Variants in MYO1B observed in about 807,000 individuals in gnomAD.
MYO1B encodes unconventional myosin-Ib.
A neutral mutation model predicts 159.7 loss-of-function variants in MYO1B; 72 were observed. The ratio of observed to expected loss-of-function variants is 0.45; its 90% CI spans 0.37 to 0.55. MYO1B has a LOEUF of 0.55. Among genes scored for constraint, MYO1B ranks in the 20% least tolerant of loss-of-function variants. MYO1B has a pLI of 0.00. For synonymous variants in MYO1B, 468 were observed against 473.8 expected, an observed-to-expected ratio of 0.99 and a Z score of 0.16; for missense variants, 1,062 against 1,364.8, an observed-to-expected ratio of 0.78 and a Z score of 3.50.
At chr2:191,396,604 C>A (rs1696088945) in intron 21 of MYO1B, 107 bp downstream of exon 21, 1 of 1,056,740 alleles carries the variant, frequency 9.5e-7, no homozygotes, top group Non-Finnish European at 1.5e-6. Context: ...CTGTCTCCTG[C>A]CTCGCCTGTA....
intron 5 of MYO1B, among the ~76,000 whole-genome samples, chr2:191,342,117 G>A (rs1692261224): frequency 1.3e-5 from 2 of 152,204 alleles, no homozygotes; most frequent in Non-Finnish European, 2.9e-5. Context: ...CTAGAGGCTA[G>A]AAGTTCAAGA....
At chr2:191,260,913 T>C (rs1238430432) in intron 1 of MYO1B, among the ~76,000 whole-genome samples, 2 of 152,330 alleles carry the variant, frequency 1.3e-5, no homozygotes, top group African/African-American at 4.8e-5. Context: ...TAGTTGGATA[T>C]ACTTTTGAAA....
chr2:191,357,543 T>G (rs1693380922), intron 7 of MYO1B, among the ~76,000 whole-genome samples: 1 of 152,212 alleles, frequency 6.6e-6, no homozygotes, highest in African/African-American at 2.4e-5. Context: ...GTAGCTGCAT[T>G]AGAATATCTG....
At chr2:191,393,709 G>A (rs1695903546) in intron 20 of MYO1B, among the ~76,000 whole-genome samples, 1 of 152,156 alleles carries the variant, frequency 6.6e-6, no homozygotes, top group African/African-American at 2.4e-5. Context: ...TTTGGTTAAA[G>A]GATTGCATTC....
chr2:191,422,694 G>A (rs1317632838), intron 30 of MYO1B, among the ~76,000 whole-genome samples: 2 of 152,126 alleles, frequency 1.3e-5, no homozygotes, highest in African/African-American at 2.4e-5. Flanking sequence ...TGCAGATAAC[G>A]ACAAAAACTA....
intron 1 of MYO1B, among the ~76,000 whole-genome samples, chr2:191,273,224 T>A (rs964480691): frequency 8.5e-5 from 13 of 152,192 alleles, no homozygotes; most frequent in African/African-American, 3.1e-4. Context: ...GTTCAAGCAA[T>A]TCTCCTGCCT....
At chr2:191,246,621 GCCT>G (rs2125637736) in intron 1 of MYO1B, among the ~76,000 whole-genome samples, 1 of 151,734 alleles carries the variant, frequency 6.6e-6, no homozygotes, top group African/African-American at 2.4e-5. Flanking sequence ...GTATGTGTGT[GCCT>G]CTGGGTCTGT....
chr2:191,385,545 T>C (rs1321364178), intron 15 of MYO1B, among the ~76,000 whole-genome samples: 2 of 152,220 alleles, frequency 1.3e-5, no homozygotes, highest in Non-Finnish European at 2.9e-5. Flanking sequence ...TCTTTTTGAA[T>C]CTTTGAGGTC....
At chr2:191,388,076 G>A (rs1695503723) in intron 17 of MYO1B, 1 of 152,834 alleles carries the variant, frequency 6.5e-6, no homozygotes, top group African/African-American at 2.4e-5. Flanking sequence ...CTCAGGTCAG[G>A]AATTCGAGAC....
At chr2:191,326,816 G>GCA (rs58528970) in intron 3 of MYO1B, among the ~76,000 whole-genome samples, 3 of 142,820 alleles carry the variant, frequency 2.1e-5, no homozygotes, top group East Asian at 2.1e-4. Flanking sequence ...GTGTGTGTGT[G>GCA]CGCGCGCCAT....
chr2:191,334,004 A>G (rs1230123127), intron 4 of MYO1B, among the ~76,000 whole-genome samples: 1 of 151,588 alleles, frequency 6.6e-6, no homozygotes, highest in South Asian at 2.1e-4. Flanking sequence ...ACACATATTC[A>G]CTTCATATTG....
intron 2 of MYO1B, among the ~76,000 whole-genome samples, chr2:191,291,657 A>T (rs1002479360): frequency 6.6e-6 from 1 of 152,234 alleles, no homozygotes; most frequent in Non-Finnish European, 1.5e-5. Flanking sequence ...TGGGCTGGTT[A>T]CTTCATAATG....
At chr2:191,378,647 G>T (rs1442244515) in intron 13 of MYO1B, among the ~76,000 whole-genome samples, 1 of 152,098 alleles carries the variant, frequency 6.6e-6, no homozygotes, top group African/African-American at 2.4e-5. Flanking sequence ...GCTTAGCTTG[G>T]GCTCAGAGGC....
intron 1 of MYO1B, among the ~76,000 whole-genome samples, chr2:191,262,492 C>T (rs577984518): frequency 1.6e-4 from 24 of 152,252 alleles, no homozygotes; most frequent in Admixed American, 6.5e-4. Flanking sequence ...TAGTGGCTGA[C>T]CTCAGTTTTA....
chr2:191,303,823 C>G (rs1689480324), intron 3 of MYO1B, among the ~76,000 whole-genome samples: 1 of 152,152 alleles, frequency 6.6e-6, no homozygotes, highest in African/African-American at 2.4e-5. Flanking sequence ...CTGTCCAGGC[C>G]TCAGATCTAC....
intron 29 of MYO1B, among the ~76,000 whole-genome samples, chr2:191,415,480 A>C (rs1268625995): frequency 6.6e-6 from 1 of 152,208 alleles, no homozygotes; most frequent in Admixed American, 6.5e-5. Context: ...TCTCAACCTC[A>C]GTGACACATG....
intron 2 of MYO1B, among the ~76,000 whole-genome samples, chr2:191,287,388 G>A (rs551668967): frequency 6.6e-6 from 1 of 152,196 alleles, no homozygotes; most frequent in African/African-American, 2.4e-5. Context: ...AAATTAGCTT[G>A]GCGTGGTGGC....
chr2:191,351,110 C>G (rs897097591), intron 7 of MYO1B, among the ~76,000 whole-genome samples: 2 of 151,750 alleles, frequency 1.3e-5, no homozygotes, highest in African/African-American at 4.8e-5. Context: ...TAGAACTGAA[C>G]CTTCTCCTGC....
At chr2:191,408,367 C>A (rs1014400914) in intron 25 of MYO1B, among the ~76,000 whole-genome samples, 178 bp downstream of exon 25, 25 of 152,146 alleles carry the variant, frequency 1.6e-4, no homozygotes, top group African/African-American at 4.6e-4. Flanking sequence ...CTTCCAAATT[C>A]TGGTAGAATT....
Sources: allele counts gnomAD v4.1 joint callset (sites outside exome capture counted in the v4.1 genomes callset), GRCh38; gene constraint gnomAD v4.1.1; transcripts MANE v1.5; gene names NCBI Gene and HGNC (gene_info 2026-07-23, HGNC 2026-07-21).